Variants in DOK5 observed in about 807,000 individuals in gnomAD.
The protein encoded by DOK5 is downstream of tyrosine kinase 5.
Under a neutral mutation model 43.3 loss-of-function variants are expected in DOK5, and 27 were observed. The ratio of observed to expected loss-of-function variants is 0.62; its 90% CI spans 0.46 to 0.86. The LOEUF is 0.86. DOK5 is among the 40% of genes least tolerant of loss of function. The pLI is 0.00. For synonymous variants in DOK5, 146 were observed against 140.1 expected (o/e 1.04, Z -0.30); for missense variants, 373 against 392.9 (o/e 0.95, Z 0.43).
At chr20:54,518,187 A>C (rs989883373) in intron 1 of DOK5, among the ~76,000 whole-genome samples, 1 of 151,986 alleles carries the variant, frequency 6.6e-6, no homozygotes, top group Non-Finnish European at 1.5e-5. Flanking sequence ...AGTTTGTTAC[A>C]TATATATACA....
intron 6 of DOK5, among the ~76,000 whole-genome samples, chr20:54,621,253 C>T (rs540571773): frequency 4.6e-5 from 7 of 152,240 alleles, no homozygotes; most frequent in Admixed American, 4.6e-4. Context: ...TACTTTATGT[C>T]TTTCTCTTTG....
At chr20:54,523,137 C>T (rs1204969006) in intron 1 of DOK5, among the ~76,000 whole-genome samples, 1 of 152,208 alleles carries the variant, frequency 6.6e-6, no homozygotes, top group Non-Finnish European at 1.5e-5. Flanking sequence ...AGTTCTAACA[C>T]ATTTGATTCC....
chr20:54,604,069 C>T (rs1439139492), intron 5 of DOK5, among the ~76,000 whole-genome samples: 1 of 151,408 alleles, frequency 6.6e-6, no homozygotes, highest in Non-Finnish European at 1.5e-5. Context: ...GCCTCAGCCT[C>T]CCGAGTAGCT....
At chr20:54,542,334 A>C (rs1393431452) in intron 1 of DOK5, among the ~76,000 whole-genome samples, 1 of 152,202 alleles carries the variant, frequency 6.6e-6, no homozygotes, top group Non-Finnish European at 1.5e-5. Context: ...ATGCTCACCC[A>C]GTATTTTAGA....
intron 6 of DOK5, among the ~76,000 whole-genome samples, chr20:54,629,788 G>T (rs1978478514): frequency 6.6e-6 from 1 of 152,202 alleles, no homozygotes; most frequent in Non-Finnish European, 1.5e-5. Flanking sequence ...GGTCACTCTG[G>T]TAAAGTGATA....
chr20:54,622,821 GA>G (rs1298124413), intron 6 of DOK5, among the ~76,000 whole-genome samples: 1 of 152,144 alleles, frequency 6.6e-6, no homozygotes, highest in Non-Finnish European at 1.5e-5. Context: ...GCATGGCAAA[GA>G]AGAGAGAGAT....
At chr20:54,573,974 C>G (rs1985376133) in intron 2 of DOK5, among the ~76,000 whole-genome samples, 1 of 152,140 alleles carries the variant, frequency 6.6e-6, no homozygotes, top group South Asian at 2.1e-4. Context: ...AAGAGAGAAT[C>G]AAAGTTTGTT....
At position 54,475,923 on chromosome 20, in the gene DOK5, AG is replaced by A. The variant is rs71196453; in HGVS notation, c.-17del. 15 of 1,612,034 alleles carry A rather than the reference AG, an allele frequency of 9.3e-6. No individual in the cohort carries two copies. The East Asian group carries it at 1.8e-4, about 19-fold the overall frequency. ...ACTTCGGGTGCGCGCTCTTGGGTAA[AG>A]GGGGGGTCACCGGCTGTCTGGGATG... On this transcript the variant is annotated 5_prime_UTR_variant, in exon 1 of 8. Coordinates refer to ENST00000262593, the MANE Select transcript of DOK5 (RefSeq NM_018431.5). The surrounding 1 kb of genome is among the most constrained non-coding windows in gnomAD (Gnocchi z 4.2).
Position 54,554,393 on chromosome 20 carries a change from A to C in DOK5, c.67-540A>C, listed in dbSNP as rs918907017. The stretch of plus-strand genomic sequence containing the variant: ...GTCTGCACCTCTGGTAGTAATCTTC[A>C]AGTCTCTGGGTTGAATATCCTAAGC... On this transcript the variant is annotated intron_variant, in intron 1 of 7. Transcript: ENST00000262593. Among the ~76,000 whole-genome samples, 11 of 152,180 alleles carry C rather than the reference A, an allele frequency of 7.2e-5. 1 individual carries two copies. Among genetic ancestry groups the C allele is most frequent in the Admixed American group, 7.2e-4 (11 of 15,276 alleles).
At chr20:54,489,772 T>C (rs1982091350) in intron 1 of DOK5, among the ~76,000 whole-genome samples, 4 of 152,208 alleles carry the variant, frequency 2.6e-5, no homozygotes, top group Admixed American at 6.5e-5. Flanking sequence ...AATCCATTTT[T>C]TTTCCTCTGT....
chr20:54,615,779 G>A (rs7271118), intron 6 of DOK5, among the ~76,000 whole-genome samples: 5,061 of 152,174 alleles, frequency 0.033, 117 homozygotes, highest in Non-Finnish European at 0.053. Context: ...GCGTGGTGGC[G>A]TGTGCCTGTA....
chr20:54,489,459 T>G (rs1273403261), intron 1 of DOK5, among the ~76,000 whole-genome samples: 9 of 152,168 alleles, frequency 5.9e-5, no homozygotes, highest in Non-Finnish European at 5.9e-5. Flanking sequence ...CAATTTATAC[T>G]TATATAGTCT....
intron 2 of DOK5, among the ~76,000 whole-genome samples, chr20:54,583,681 C>T (rs1350187069): frequency 1.3e-5 from 2 of 152,060 alleles, no homozygotes; most frequent in African/African-American, 2.4e-5. Flanking sequence ...CCTATTTAAT[C>T]TGATATAAGT....
chr20:54,543,607 G>C (rs968783330), intron 1 of DOK5, among the ~76,000 whole-genome samples: 24 of 151,642 alleles, frequency 1.6e-4, no homozygotes, highest in African/African-American at 5.3e-4. Context: ...GAAAGAGAGA[G>C]AGGAGAGAGA....
At chr20:54,609,733 GT>G (rs2146792184) in intron 5 of DOK5, among the ~76,000 whole-genome samples, 1 of 152,094 alleles carries the variant, frequency 6.6e-6, no homozygotes, top group African/African-American at 2.4e-5. Context: ...TACAGATACC[GT>G]TCTTCTTAAC....
At chr20:54,577,991 A>G (rs968623273) in intron 2 of DOK5, among the ~76,000 whole-genome samples, 5 of 152,222 alleles carry the variant, frequency 3.3e-5, no homozygotes, top group African/African-American at 1.2e-4. Flanking sequence ...CAAAAAATGA[A>G]GGTTGCTGTG....
At chr20:54,557,788 C>A (rs1036746572) in intron 2 of DOK5, among the ~76,000 whole-genome samples, 1 of 152,172 alleles carries the variant, frequency 6.6e-6, no homozygotes, top group African/African-American at 2.4e-5. Context: ...TTCTTGACTC[C>A]CTTGTTGGAA....
chr20:54,498,602 A>G (rs998969041), intron 1 of DOK5, among the ~76,000 whole-genome samples: 1 of 152,200 alleles, frequency 6.6e-6, no homozygotes, highest in African/African-American at 2.4e-5. Context: ...TAATTTGTTT[A>G]CTTTTAATTT....
chr20:54,553,668 G>A (rs570365459), intron 1 of DOK5, among the ~76,000 whole-genome samples: 259 of 150,738 alleles, frequency 1.7e-3, no homozygotes, highest in Non-Finnish European at 2.8e-3. Context: ...AGGCCGAGGC[G>A]GGTGGATCAT....
Sources: allele counts gnomAD v4.1 joint callset (sites outside exome capture counted in the v4.1 genomes callset), GRCh38; gene constraint gnomAD v4.1.1; non-coding constraint Gnocchi (gnomAD v3.1); transcripts MANE v1.5; gene names NCBI Gene and HGNC (gene_info 2026-07-23, HGNC 2026-07-21).